The following TEX14 variants were observed in gnomAD, a reference collection of about 807,000 sequenced individuals.
TEX14 encodes the protein testis expressed 14, intercellular bridge forming factor, also known as inactive serine/threonine-protein kinase TEX14.
In TEX14, 168 loss-of-function variants were observed where a neutral mutation model predicts 178.6. That is an observed-to-expected ratio of 0.94 (90% CI 0.83 to 1.07). The LOEUF (loss-of-function observed/expected upper bound fraction) is 1.07, where lower values mean the gene tolerates loss of function less well. TEX14 is among the 50% of genes least tolerant of loss of function. The pLI is 0.00. For synonymous variants in TEX14, 626 were observed against 634.1 expected (o/e 0.99, Z 0.19); for missense variants, 1,730 against 1,753.6 (o/e 0.99, Z 0.24).
intron 1 of TEX14, chr17:58,659,280 G>C (rs891315828): frequency 3.9e-5 from 36 of 927,528 alleles, no homozygotes; most frequent in Non-Finnish European, 4.6e-5. Context: ...AGGACCAACA[G>C]CGTCTCTCCC....
intron 3 of TEX14, among the ~76,000 whole-genome samples, chr17:58,626,242 C>T (rs1436171369): frequency 6.6e-6 from 1 of 152,138 alleles, no homozygotes; most frequent in African/African-American, 2.4e-5. Context: ...AGGTCCAGTC[C>T]ATCACAGCGT....
intron 1 of TEX14, among the ~76,000 whole-genome samples, chr17:58,682,639 G>A (rs1300473701): frequency 6.6e-6 from 1 of 152,042 alleles, no homozygotes; most frequent in African/African-American, 2.4e-5. Context: ...TTCCCAAAGT[G>A]CTGGGATTAT....
chr17:58,597,543 G>A (rs185969018), intron 14 of TEX14, among the ~76,000 whole-genome samples: 48 of 152,174 alleles, frequency 3.2e-4, no homozygotes, highest in Admixed American at 5.2e-4. Flanking sequence ...AATAACATCC[G>A]CCTTCCAATG....
chr17:58,617,472 G>T, intron 6 of TEX14, 66 bp downstream of exon 6: 1 of 1,194,352 alleles, frequency 8.4e-7, no homozygotes, highest in Non-Finnish European at 1.2e-6. Context: ...GACAAAGGTG[G>T]GAGATGGGGC....
At chr17:58,631,168 A>C (rs1420906933) in intron 2 of TEX14, 2 of 984,770 alleles carry the variant, frequency 2.0e-6, no homozygotes, top group Non-Finnish European at 2.4e-6. Flanking sequence ...CAAAAATTGA[A>C]ATCCCACAAG....
chr17:58,605,253 G>A (rs916322187), intron 10 of TEX14, 124 bp from the exon 11 acceptor site: 14 of 1,184,706 alleles, frequency 1.2e-5, no homozygotes, highest in African/African-American at 4.6e-5. Context: ...AAGCAGCAGC[G>A]TGATCTCAGC....
Position 58,622,747 on chromosome 17 carries a change from T to A in TEX14, c.417+100A>T, listed in dbSNP as rs2046028623. 1.3e-5 allele frequency: 16 copies of A among 1,216,004 alleles called. 1 individual carries two copies. Among genetic ancestry groups the A allele is most frequent in the Middle Eastern group, 3.0e-4 (1 of 3,324 alleles). The allele number at this position is 1,216,004 out of a possible 1,614,324, so 75.3% of individuals were successfully genotyped here. Reference sequence around the variant, plus strand: ...TCCAAGCCTGAGACTCCAGTACCAATACTAAGGCCACTGTACGCTCTGTGC... The same window carrying A: ...TCCAAGCCTGAGACTCCAGTACCAAAACTAAGGCCACTGTACGCTCTGTGC... On this transcript the variant is annotated intron_variant, in intron 4 of 31. Coordinates refer to ENST00000349033, the MANE Select transcript of TEX14 (RefSeq NM_031272.5).
intron 2 of TEX14, among the ~76,000 whole-genome samples, chr17:58,645,672 AT>A (rs1247504240): frequency 6.6e-6 from 1 of 152,142 alleles, no homozygotes; most frequent in African/African-American, 2.4e-5. Context: ...CTTCTATAAT[AT>A]AAAGGATAAG....
At chr17:58,659,296 A>C (rs1598426104) in intron 1 of TEX14, 9 of 967,384 alleles carry the variant, frequency 9.3e-6, no homozygotes, top group African/African-American at 1.8e-5. Context: ...CTCCCCCGCC[A>C]CAAAGACATT....
At chr17:58,583,480 G>A (rs2044873701) in intron 19 of TEX14, among the ~76,000 whole-genome samples, 1 of 152,042 alleles carries the variant, frequency 6.6e-6, no homozygotes, top group South Asian at 2.1e-4. Context: ...GCCCAGCCTG[G>A]TCTTGAACTC....
At chr17:58,605,363 T>C (rs1431435685) in intron 10 of TEX14, among the ~76,000 whole-genome samples, 1 of 152,132 alleles carries the variant, frequency 6.6e-6, no homozygotes, top group Admixed American at 6.5e-5. Context: ...CCCGGCTAAT[T>C]TTTGTATTTT....
chr17:58,651,838 G>A, intron 2 of TEX14, 28 bp downstream of exon 2: 1 of 1,586,926 alleles, frequency 6.3e-7, no homozygotes, highest in Non-Finnish European at 8.6e-7. Context: ...GTACCAAGGT[G>A]CATCTGCCAT....
chr17:58,608,261 CAAA>C (rs748481009), intron 10 of TEX14, among the ~76,000 whole-genome samples: 9 of 152,000 alleles, frequency 5.9e-5, no homozygotes, highest in Non-Finnish European at 1.3e-4. Flanking sequence ...ACTAAAAATA[CAAA>C]AAATTAGCCG....
chr17:58,689,688 A>G (rs940375425), intron 1 of TEX14, among the ~76,000 whole-genome samples: 4 of 152,128 alleles, frequency 2.6e-5, no homozygotes, highest in African/African-American at 9.7e-5. Flanking sequence ...TTACACAAGA[A>G]GGTGCACCTT....
rs141842939 is a variant in TEX14, at chr17:58,616,295, G to A, written c.647C>T (p.Thr216Ile). 6.2e-7 allele frequency: 1 copy of A among 1,612,998 alleles called. No individual in the cohort carries two copies. The highest frequency in any genetic ancestry group is 8.5e-7 in the Non-Finnish European group (1 of 1,179,662). The change falls in exon 7 of 32, where the codon ACT becomes ATT. Residue 216 changes from threonine (T) to isoleucine (I), a missense_variant. Physicochemically the swap from Thr to Ile is moderately conservative, Grantham distance 89 (BLOSUM62 -1). This residue lies in a region of TEX14 where 789 missense variants were observed against 681.2 expected (regional missense o/e 1.16). Coordinates refer to ENST00000349033, the MANE Select transcript of TEX14 (RefSeq NM_031272.5). ...TAGATAGGCCATCTGTGTCGCCCCA[G>A]TAAGATAAAACTGAAACCAAGGCAT... is the stretch of plus-strand genomic sequence containing the variant. ...YSFGFGKFYL[T>I]GATQMAYLGS...
At chr17:58,622,389 T>C (rs1296695080) in intron 4 of TEX14, among the ~76,000 whole-genome samples, 3 of 150,672 alleles carry the variant, frequency 2.0e-5, no homozygotes, top group African/African-American at 7.3e-5. Flanking sequence ...GAGGTTGCAG[T>C]GAGCTGAGCT....
At position 58,599,254 on chromosome 17, in the gene TEX14, G is replaced by A. The variant is rs139370904; in HGVS notation, c.2091C>T (p.Asn697=). The A allele has an allele frequency of 6.1e-5, 98 of 1,613,686 alleles. 1 individual carries two copies. Among genetic ancestry groups the A allele is most frequent in the Admixed American group, 1.0e-4 (6 of 60,004 alleles). The part of the protein sequence containing the change: ...EYSFDDWDWQ[N]GSLSSLSLPE... ...GAAGGCTGAGTGAACTGAGTGAACC[G>A]TTTTGCCAGTCCCAGTCATCAAAAG... is the stretch of plus-strand genomic sequence containing the variant. The change falls in exon 14 of 32, where the codon AAC becomes AAT. Residue 697 remains asparagine (N), a synonymous_variant. Coordinates refer to ENST00000349033, the MANE Select transcript of TEX14 (RefSeq NM_031272.5).
intron 31 of TEX14, among the ~76,000 whole-genome samples, chr17:58,557,310 C>T (rs1380695123): frequency 6.7e-6 from 1 of 150,336 alleles, no homozygotes; most frequent in East Asian, 1.9e-4. Flanking sequence ...TTGCTCTTAT[C>T]CCCCAGGTGG....
At chr17:58,629,793 C>T (rs1283322815) in intron 3 of TEX14, among the ~76,000 whole-genome samples, 1 of 151,132 alleles carries the variant, frequency 6.6e-6, no homozygotes, top group Non-Finnish European at 1.5e-5. Context: ...CGAGATCGCA[C>T]CACTGCACTC....
Sources: allele counts gnomAD v4.1 joint callset (sites outside exome capture counted in the v4.1 genomes callset), GRCh38; gene constraint gnomAD v4.1.1; regional missense constraint gnomAD v4.1.1; transcripts MANE v1.5; gene names NCBI Gene and HGNC (gene_info 2026-07-23, HGNC 2026-07-21).